Variants in LDLRAD4 observed in about 807,000 individuals in gnomAD.
The protein encoded by LDLRAD4 is low-density lipoprotein receptor class A domain-containing protein 4.
LDLRAD4 carries 5 observed loss-of-function variants against 17.0 expected under a neutral mutation model. The ratio of observed to expected loss-of-function variants is 0.29; its 90% CI spans 0.15 to 0.62. The LOEUF (loss-of-function observed/expected upper bound fraction) is 0.62, where lower values mean the gene tolerates loss of function less well. LDLRAD4 is among the 20% of genes least tolerant of loss of function. The pLI is 0.84. For missense variants in LDLRAD4, 340 were observed against 424.7 expected (o/e 0.80, Z 1.75); for synonymous variants, 168 against 171.8 (o/e 0.98, Z 0.17).
intron 3 of LDLRAD4, among the ~76,000 whole-genome samples, chr18:13,464,334 G>A (rs760896329): frequency 2.0e-5 from 3 of 152,210 alleles, no homozygotes; most frequent in Non-Finnish European, 2.9e-5. Flanking sequence ...TGTTTACATT[G>A]CTTTAAACTG....
chr18:13,335,521 T>C (rs985520624), intron 1 of LDLRAD4, among the ~76,000 whole-genome samples: 3 of 152,266 alleles, frequency 2.0e-5, no homozygotes, highest in African/African-American at 7.2e-5. Context: ...TCACTAGTTA[T>C]TACATTTAGA....
chr18:13,252,333 T>A (rs1006098515), intron 1 of LDLRAD4, among the ~76,000 whole-genome samples: 1 of 152,172 alleles, frequency 6.6e-6, no homozygotes, highest in Non-Finnish European at 1.5e-5. Context: ...TTCATCATGT[T>A]GGTCAGGCTG....
At chr18:13,349,147 G>A (rs765793947) in intron 1 of LDLRAD4, among the ~76,000 whole-genome samples, 7 of 152,172 alleles carry the variant, frequency 4.6e-5, no homozygotes, top group Non-Finnish European at 7.3e-5. Flanking sequence ...TGCAGAAATC[G>A]TTTGTCTTCT....
At chr18:13,231,878 G>A (rs921591569) in intron 1 of LDLRAD4, among the ~76,000 whole-genome samples, 2 of 152,202 alleles carry the variant, frequency 1.3e-5, no homozygotes, top group African/African-American at 2.4e-5. Context: ...CAGAGTTTAT[G>A]TTATTTTAAT....
In LDLRAD4 at chr18:13,440,769, C is replaced by G. The variant is rs1237721179; in HGVS notation, c.181+2385C>G. Among the ~76,000 whole-genome samples the G allele has an allele frequency of 6.6e-6, 1 of 152,232 alleles. No homozygotes were observed. Among genetic ancestry groups the G allele is most frequent in the Non-Finnish European group, 1.5e-5 (1 of 68,042 alleles). Reference sequence around the variant, plus strand: ...CGTGTTGCAGTTGCCATCTCCACTCCCCACGTGGCCCTTCCTGGGGAGTGC... The same window carrying G: ...CGTGTTGCAGTTGCCATCTCCACTCGCCACGTGGCCCTTCCTGGGGAGTGC... On this transcript the variant is annotated intron_variant, in intron 3 of 5. Transcript: ENST00000359446. The surrounding 1 kb of genome is among the most constrained non-coding windows in gnomAD (Gnocchi z 4.4).
At chr18:13,419,218 AC>A (rs2089221953) in intron 2 of LDLRAD4, among the ~76,000 whole-genome samples, 1 of 152,216 alleles carries the variant, frequency 6.6e-6, no homozygotes. Context: ...GGACATCTGT[AC>A]GTAGACATCT....
At position 13,280,980 on chromosome 18, in the gene LDLRAD4, G is replaced by A. The variant is rs144005382; in HGVS notation, c.-383+2792G>A. ...AAGAGGACCAATAGTACTGGGAGAA[G>A]CAATCATTACCTTTGAATATAGGTC... On this transcript the variant is annotated intron_variant, in intron 1 of 5. Coordinates refer to ENST00000359446, the Ensembl canonical transcript of LDLRAD4. 1.8e-4 allele frequency among the ~76,000 whole-genome samples: 27 copies of A among 152,312 alleles called. No individual in the cohort carries two copies. The East Asian group carries it at 4.6e-3, about 26-fold the overall frequency.
Position 13,365,063 on chromosome 18 carries a change from G to A in LDLRAD4, c.-382-22278G>A, listed in dbSNP as rs1202164572. Among the ~76,000 whole-genome samples the A allele has an allele frequency of 2.0e-5, 3 of 152,248 alleles. No individual in the cohort carries two copies. The East Asian group carries it at 5.8e-4, about 29-fold the overall frequency. ...AAGCAGCTGCTCAGGCCGTGATGCA[G>A]ACAGTGGGAGTGATGGAGGGAGACA... On this transcript the variant is annotated intron_variant, in intron 1 of 5. Transcript: ENST00000359446.
chr18:13,459,392 T>G (rs1005795159), intron 3 of LDLRAD4, among the ~76,000 whole-genome samples: 26 of 151,834 alleles, frequency 1.7e-4, no homozygotes, highest in Non-Finnish European at 3.4e-4. Context: ...CTTTTTGTTT[T>G]TGTTTTCCTG....
intron 3 of LDLRAD4, among the ~76,000 whole-genome samples, chr18:13,448,451 G>A (rs1229842875): frequency 6.6e-6 from 1 of 152,098 alleles, no homozygotes; most frequent in Non-Finnish European, 1.5e-5. Flanking sequence ...TAGGAAAGCG[G>A]GTAAAAAAAT....
At chr18:13,531,546 C>CA (rs1217759119) in intron 3 of LDLRAD4, among the ~76,000 whole-genome samples, 2 of 150,542 alleles carry the variant, frequency 1.3e-5, no homozygotes, top group African/African-American at 4.9e-5. Flanking sequence ...GATATGACCG[C>CA]ACCACTGCAC....
At chr18:13,358,083 C>G (rs2083449722) in intron 1 of LDLRAD4, among the ~76,000 whole-genome samples, 1 of 152,108 alleles carries the variant, frequency 6.6e-6, no homozygotes, top group Non-Finnish European at 1.5e-5. Flanking sequence ...CCAATCCACA[C>G]TCATCTTGTA....
At chr18:13,538,389 A>C (rs2094228071) in intron 3 of LDLRAD4, among the ~76,000 whole-genome samples, 1 of 152,210 alleles carries the variant, frequency 6.6e-6, no homozygotes, top group Non-Finnish European at 1.5e-5. Context: ...TCAATTCAAA[A>C]TATTTTCCAG....
intron 1 of LDLRAD4, among the ~76,000 whole-genome samples, chr18:13,254,464 C>G: frequency 6.6e-6 from 1 of 152,134 alleles, no homozygotes; most frequent in African/African-American, 2.4e-5. Context: ...CTGGCGCGGA[C>G]AGAGAGAATC....
chr18:13,326,509 T>C (rs942074892), intron 1 of LDLRAD4, among the ~76,000 whole-genome samples: 4 of 152,240 alleles, frequency 2.6e-5, no homozygotes, highest in Admixed American at 2.6e-4. Context: ...CAATGTGGAA[T>C]GGAACAGACT....
At chr18:13,406,130 G>A (rs1487882786) in intron 2 of LDLRAD4, among the ~76,000 whole-genome samples, 1 of 152,194 alleles carries the variant, frequency 6.6e-6, no homozygotes, top group Non-Finnish European at 1.5e-5. Flanking sequence ...AGTGCTAGGG[G>A]ACCCACGCCC....
intron 1 of LDLRAD4, among the ~76,000 whole-genome samples, chr18:13,284,289 C>G (rs1173943417): frequency 6.6e-6 from 1 of 152,128 alleles, no homozygotes; most frequent in Admixed American, 6.5e-5. Flanking sequence ...GCCACTTCTG[C>G]CCATGGCCTG....
intron 2 of LDLRAD4, among the ~76,000 whole-genome samples, chr18:13,388,218 C>T (rs1381697040): frequency 6.6e-6 from 1 of 152,226 alleles, no homozygotes; most frequent in Non-Finnish European, 1.5e-5. Flanking sequence ...CTGGGCAGAA[C>T]TCGTCTTGCA....
At chr18:13,580,872 C>T (rs1295107377) in intron 3 of LDLRAD4, among the ~76,000 whole-genome samples, 1 of 152,156 alleles carries the variant, frequency 6.6e-6, no homozygotes, top group Non-Finnish European at 1.5e-5. Flanking sequence ...AGAAGCTTGC[C>T]CTTTTAAAAA....
Sources: gnomAD v4.1 joint callset for allele counts (sites outside exome capture counted in the v4.1 genomes callset) on GRCh38, gnomAD v4.1.1 for gene constraint, Gnocchi (gnomAD v3.1) non-coding constraint, MANE v1.5 for transcripts, NCBI Gene and HGNC (gene_info 2026-07-23, HGNC 2026-07-21) for gene names.